Variants in SCP2 observed in about 807,000 individuals in gnomAD.
SCP2 encodes the protein SCP-2/3-oxoacyl-CoA thiolase.
Under a neutral mutation model 71.4 loss-of-function variants are expected in SCP2, and 48 were observed. That is an observed-to-expected ratio of 0.67 (90% CI 0.53 to 0.86). The LOEUF (loss-of-function observed/expected upper bound fraction) is 0.86. Among genes scored for constraint, SCP2 ranks in the 40% least tolerant of loss-of-function variants. The pLI is 0.00. For missense variants in SCP2, 560 were observed against 655.6 expected, an observed-to-expected ratio of 0.85 and a Z score of 1.59; for synonymous variants, 220 against 218.1, an observed-to-expected ratio of 1.01 and a Z score of -0.08.
chr1:52,997,258 T>A (rs1660000068), intron 11 of SCP2, among the ~76,000 whole-genome samples: 1 of 152,198 alleles, frequency 6.6e-6, no homozygotes, highest in Non-Finnish European at 1.5e-5. Context: ...AACTTCTGCC[T>A]CCCTGGTTCA....
intron 4 of SCP2, among the ~76,000 whole-genome samples, chr1:52,954,170 GA>G (rs1015150352): frequency 2.0e-5 from 3 of 151,274 alleles, no homozygotes; most frequent in African/African-American, 7.3e-5. Context: ...TTAGCTGAAT[GA>G]GGTGGCACAT....
At chr1:52,947,866 A>G (rs920822084) in intron 2 of SCP2, 143 bp from the exon 3 acceptor site, 2 of 676,152 alleles carry the variant, frequency 3.0e-6, no homozygotes, top group African/African-American at 1.8e-5. Flanking sequence ...GAGATGTGAC[A>G]TGATTTGATG....
chr1:52,933,843 C>T (rs552852812), intron 1 of SCP2, among the ~76,000 whole-genome samples: 3 of 152,166 alleles, frequency 2.0e-5, no homozygotes, highest in Non-Finnish European at 4.4e-5. Context: ...TTGCCATTTT[C>T]ATTGTATGTT....
intron 6 of SCP2, among the ~76,000 whole-genome samples, chr1:52,967,329 T>A (rs1295647989): frequency 6.7e-6 from 1 of 149,040 alleles, no homozygotes; most frequent in African/African-American, 2.4e-5. Flanking sequence ...GGTAATCTAT[T>A]TTTTTTTTTT....
intron 11 of SCP2, among the ~76,000 whole-genome samples, chr1:52,988,722 G>T (rs1659212459): frequency 7.3e-6 from 1 of 136,296 alleles, no homozygotes. Flanking sequence ...GTCTCGCTCT[G>T]TTGCCCAGGC....
intron 14 of SCP2, among the ~76,000 whole-genome samples, chr1:53,039,694 T>C (rs750695829): frequency 6.6e-6 from 1 of 152,222 alleles, no homozygotes; most frequent in Non-Finnish European, 1.5e-5. Context: ...TGGTTTCTTT[T>C]TGTCTTCAAA....
chr1:52,994,727 T>G, intron 11 of SCP2: 2 of 711,504 alleles, frequency 2.8e-6, no homozygotes, highest in Non-Finnish European at 4.6e-6. Context: ...ATTTTAACCA[T>G]GAGGGAAATC....
At chr1:52,975,191 A>C (rs755610867) in intron 7 of SCP2, among the ~76,000 whole-genome samples, 1 of 147,432 alleles carries the variant, frequency 6.8e-6, no homozygotes, top group Non-Finnish European at 1.5e-5. Flanking sequence ...TATTATTATT[A>C]TTTTTTTTAG....
intron 5 of SCP2, among the ~76,000 whole-genome samples, chr1:52,956,580 G>A (rs2150134185): frequency 6.6e-6 from 1 of 152,258 alleles, no homozygotes; most frequent in Non-Finnish European, 1.5e-5. Flanking sequence ...GAGTGGGTAA[G>A]GGGAAATGAG....
At chr1:52,928,283 C>T (rs757929781) in intron 1 of SCP2, among the ~76,000 whole-genome samples, 2 of 152,258 alleles carry the variant, frequency 1.3e-5, no homozygotes, top group Non-Finnish European at 2.9e-5. Context: ...GGCAGCTCCT[C>T]TAGACTGGGT....
intron 11 of SCP2, among the ~76,000 whole-genome samples, chr1:52,991,871 T>C (rs1368794489): frequency 6.6e-6 from 1 of 152,152 alleles, no homozygotes; most frequent in Non-Finnish European, 1.5e-5. Flanking sequence ...ACACACTTGA[T>C]AAAGTGACAA....
At chr1:52,987,296 A>T (rs1659086872) in intron 10 of SCP2, among the ~76,000 whole-genome samples, 1 of 152,190 alleles carries the variant, frequency 6.6e-6, no homozygotes, top group Admixed American at 6.5e-5. Context: ...AAATAATTAG[A>T]ACAAGAGCTG....
intron 11 of SCP2, among the ~76,000 whole-genome samples, chr1:53,010,839 C>A (rs952905252): frequency 6.6e-6 from 1 of 152,058 alleles, no homozygotes; most frequent in Non-Finnish European, 1.5e-5. Context: ...GTGAGATTCA[C>A]CCCCTGCCCA....
intron 14 of SCP2, among the ~76,000 whole-genome samples, chr1:53,045,336 A>G (rs1219558643): frequency 1.3e-5 from 2 of 152,154 alleles, no homozygotes; most frequent in African/African-American, 4.8e-5. Context: ...ACTCTTTTTT[A>G]GGTCTGGCTT....
At chr1:53,013,106 C>CTTT (rs754111443) in intron 11 of SCP2, among the ~76,000 whole-genome samples, 107 of 104,594 alleles carry the variant, frequency 1.0e-3, no homozygotes, top group East Asian at 3.4e-3. Flanking sequence ...GTGGAGCTAC[C>CTTT]TTTTTTTTTT....
chr1:53,032,351 A>T (rs1323047668), intron 13 of SCP2, among the ~76,000 whole-genome samples: 1 of 152,228 alleles, frequency 6.6e-6, no homozygotes, highest in Non-Finnish European at 1.5e-5. Flanking sequence ...ACATGGAAAA[A>T]TATTTCCAGA....
At chr1:52,981,243 T>A (rs1658467246) in intron 10 of SCP2, among the ~76,000 whole-genome samples, 1 of 152,200 alleles carries the variant, frequency 6.6e-6, no homozygotes, top group Non-Finnish European at 1.5e-5. Flanking sequence ...TGATAATGTA[T>A]TTTTTAAAAT....
At chr1:52,980,123 A>G (rs1200324638) in intron 9 of SCP2, among the ~76,000 whole-genome samples, 3 of 151,902 alleles carry the variant, frequency 2.0e-5, no homozygotes. Context: ...ACAGGCACAT[A>G]CTACCACGCC....
chr1:52,995,940 G>C (rs577898465), intron 11 of SCP2: 9 of 1,470,770 alleles, frequency 6.1e-6, no homozygotes, highest in Non-Finnish European at 8.1e-6. Context: ...CAACATGAAC[G>C]ACCTCGTCTC....
Sources: gnomAD v4.1 joint callset for allele counts (sites outside exome capture counted in the v4.1 genomes callset) on GRCh38, gnomAD v4.1.1 for gene constraint, MANE v1.5 for transcripts, NCBI Gene and HGNC (gene_info 2026-07-23, HGNC 2026-07-21) for gene names.